S100A8: variants seen among roughly 807,000 people sequenced by gnomAD.
S100A8 encodes S100 calcium binding protein A8, also known as protein S100-A8.
A neutral mutation model predicts 4.2 loss-of-function variants in S100A8; 1 was observed. The ratio of observed to expected loss-of-function variants is 0.24; its 90% CI spans 0.08 to 1.12. S100A8 has a LOEUF of 1.12. Ranked by LOEUF, S100A8 falls within the 50% of genes most tolerant of loss-of-function variation. The pLI, the probability that S100A8 is intolerant of heterozygous loss-of-function variation, is 0.53. For synonymous variants in S100A8, 41 were observed against 44.7 expected, an observed-to-expected ratio of 0.92 and a Z score of 0.33; for missense variants, 96 against 111.8, an observed-to-expected ratio of 0.86 and a Z score of 0.64.
chr1:153,405,039 G>C, the S100A8 span, among the ~76,000 whole-genome samples: 2 of 152,052 alleles, frequency 1.3e-5, no homozygotes, highest in Admixed American at 6.5e-5. Context: ...TACAGTGTAA[G>C]TCAGAATCCT....
chr1:153,415,168 GTGTT>G, the S100A8 span, among the ~76,000 whole-genome samples: 32 of 151,468 alleles, frequency 2.1e-4, no homozygotes, highest in Admixed American at 5.9e-4. Flanking sequence ...GTTTGTGTGT[GTGTT>G]TGTGTGTGTG....
the S100A8 span, among the ~76,000 whole-genome samples, chr1:153,413,263 A>G: frequency 1.4e-4 from 21 of 152,386 alleles, no homozygotes; most frequent in Non-Finnish European, 1.5e-4. Flanking sequence ...ATGCACGTGT[A>G]TATAAATAAA....
chr1:153,418,874 C>T, the S100A8 span, among the ~76,000 whole-genome samples: 1 of 152,168 alleles, frequency 6.6e-6, no homozygotes, highest in Admixed American at 6.5e-5. Flanking sequence ...GGGCAGGGGA[C>T]TGCTCTCCCC....
upstream of S100A8, among the ~76,000 whole-genome samples, chr1:153,394,072 A>G (rs1481063832): frequency 6.6e-6 from 1 of 152,182 alleles, no homozygotes; most frequent in Non-Finnish European, 1.5e-5. Flanking sequence ...GGGTAAGCAC[A>G]TCTGGGGAAA....
chr1:153,417,913 G>A, the S100A8 span: 1 of 965,400 alleles, frequency 1.0e-6, no homozygotes, highest in Non-Finnish European at 1.5e-6. Flanking sequence ...TCTCATTTTT[G>A]AACAACTTAT....
chr1:153,417,020 A>T, the S100A8 span, among the ~76,000 whole-genome samples: 1 of 152,244 alleles, frequency 6.6e-6, no homozygotes, highest in Non-Finnish European at 1.5e-5. Flanking sequence ...CTCTGGGCAC[A>T]GGGCTTGGCC....
the S100A8 span, among the ~76,000 whole-genome samples, chr1:153,410,596 T>C: frequency 1.8e-3 from 269 of 151,964 alleles, no homozygotes; most frequent in Middle Eastern, 0.017. Flanking sequence ...TTCCAATCAA[T>C]AGAAAAAGAG....
intron 1 of S100A8, 175 bp from the exon 2 acceptor site, chr1:153,390,732 C>A: frequency 1.3e-6 from 1 of 781,294 alleles, no homozygotes; most frequent in Non-Finnish European, 2.0e-6. Flanking sequence ...TAGGGATACA[C>A]GTGTGGGAAG....
At chr1:153,394,816 G>C (rs78866217), upstream of S100A8, among the ~76,000 whole-genome samples, 2 of 152,086 alleles carry the variant, frequency 1.3e-5, no homozygotes, top group Admixed American at 1.3e-4. Flanking sequence ...GGACCAGGTG[G>C]GGAGGGAACC....
At chr1:153,404,516 G>T in the S100A8 span, among the ~76,000 whole-genome samples, 4 of 152,126 alleles carry the variant, frequency 2.6e-5, no homozygotes, top group African/African-American at 4.8e-5. Flanking sequence ...AGATTCCAAG[G>T]ATTTCAGACG....
chr1:153,398,059 G>A, the S100A8 span, among the ~76,000 whole-genome samples: 2 of 152,214 alleles, frequency 1.3e-5, no homozygotes, highest in Non-Finnish European at 2.9e-5. Context: ...AGTAAGCAGA[G>A]GCAAGGCTGG....
the S100A8 span, among the ~76,000 whole-genome samples, chr1:153,415,256 A>T: frequency 5.9e-5 from 9 of 151,944 alleles, no homozygotes; most frequent in Non-Finnish European, 1.0e-4. Context: ...TGGGAGAGGG[A>T]GAAACAGGTC....
chr1:153,391,303 TA>T (rs1662091636), upstream of S100A8: 3 of 620,622 alleles, frequency 4.8e-6, no homozygotes, highest in African/African-American at 6.0e-5. Flanking sequence ...AAAAAGCAGG[TA>T]GGGGGGCTCT....
At chr1:153,390,936 C>T in intron 1 of S100A8, 105 bp downstream of exon 1, 2 of 849,360 alleles carry the variant, frequency 2.4e-6, no homozygotes, top group Admixed American at 5.7e-5. Context: ...TTGCTCCAGA[C>T]CTCCCTGAGC....
chr1:153,418,739 G>A, the S100A8 span, among the ~76,000 whole-genome samples: 1 of 152,198 alleles, frequency 6.6e-6, no homozygotes, highest in East Asian at 1.9e-4. Context: ...TGGTGGAAAA[G>A]GAGAAGAAAG....
At chr1:153,412,882 G>A in the S100A8 span, among the ~76,000 whole-genome samples, 596 of 152,236 alleles carry the variant, frequency 3.9e-3, 4 homozygotes, top group African/African-American at 0.013. Flanking sequence ...ACTATCGCAA[G>A]GATAGAAAAC....
upstream of S100A8, among the ~76,000 whole-genome samples, chr1:153,395,517 C>T (rs897972488): frequency 6.6e-6 from 1 of 152,120 alleles, no homozygotes; most frequent in South Asian, 2.1e-4. Context: ...CCCTCCCTTC[C>T]GTCCCCATGA....
the S100A8 span, among the ~76,000 whole-genome samples, chr1:153,407,579 C>T: frequency 2.0e-5 from 3 of 152,238 alleles, no homozygotes; most frequent in Non-Finnish European, 4.4e-5. Context: ...GAAACTTCTG[C>T]AGGCTTAAGC....
the S100A8 span, among the ~76,000 whole-genome samples, chr1:153,408,224 T>A: frequency 6.6e-6 from 1 of 151,940 alleles, no homozygotes; most frequent in Non-Finnish European, 1.5e-5. Flanking sequence ...GCTAAAAACT[T>A]TGAAAAAAAG....
Sources: gnomAD v4.1 joint callset for allele counts (sites outside exome capture counted in the v4.1 genomes callset) on GRCh38, gnomAD v4.1.1 for gene constraint, MANE v1.5 for transcripts, NCBI Gene and HGNC (gene_info 2026-07-23, HGNC 2026-07-21) for gene names.